ZNF518A: variants seen among roughly 807,000 people sequenced by gnomAD.
ZNF518A encodes zinc finger protein 518A.
Under a neutral mutation model 102.7 loss-of-function variants are expected in ZNF518A, and 47 were observed. The ratio of observed to expected loss-of-function variants is 0.46; its 90% confidence interval spans 0.36 to 0.58. The LOEUF is 0.58. Among genes scored for constraint, ZNF518A ranks in the 20% least tolerant of loss-of-function variants. The pLI, the probability that ZNF518A is intolerant of heterozygous loss-of-function variation, is 0.00. For synonymous variants in ZNF518A, 652 were observed against 594.6 expected (o/e 1.10, Z -1.40); for missense variants, 1,793 against 1,699.8 (o/e 1.05, Z -0.96).
At chr10:96,139,773 A>G (rs904723055) in intron 3 of ZNF518A, among the ~76,000 whole-genome samples, 1 of 152,228 alleles carries the variant, frequency 6.6e-6, no homozygotes, top group Admixed American at 6.5e-5. Context: ...GTTTTCATTC[A>G]TGTTAGAAAT....
intron 3 of ZNF518A, among the ~76,000 whole-genome samples, chr10:96,153,907 C>T (rs1051609820): frequency 5.9e-5 from 9 of 152,138 alleles, no homozygotes; most frequent in Admixed American, 3.3e-4. Flanking sequence ...TTCTCAAGGT[C>T]TAAGTGAGGC....
At chr10:96,194,768 A>ATTTATT (rs2083416466) in intron 1 of ZNF518A, among the ~76,000 whole-genome samples, 1 of 110,286 alleles carries the variant, frequency 9.1e-6, no homozygotes, top group Non-Finnish European at 1.8e-5. Context: ...AGAAATGCAA[A>ATTTATT]TTTTTTTTTT....
chr10:96,196,843 C>G, intron 1 of ZNF518A: 1 of 1,482,300 alleles, frequency 6.7e-7, no homozygotes, highest in East Asian at 2.3e-5. Flanking sequence ...GCATCTAATA[C>G]AGTATTTGAT....
rs1281912951 is a variant in ZNF518A at position 96,163,008 on chromosome 10, G to A, written c.*2234G>A. The stretch of plus-strand genomic sequence containing the variant: ...GCAATAAAATTAAAATGCTCTGTTT[G>A]TTACATATAGATCTGTTATGAGACA... On this transcript the variant is annotated 3_prime_UTR_variant, in exon 6 of 6. Transcript: ENST00000316045. 6.6e-6 allele frequency: 1 copy of A among 152,058 alleles called. No individual in the cohort carries two copies. The highest frequency in any genetic ancestry group is 1.6e-5 in the Non-Finnish European group (1 of 62,824). 9.4% of individuals were successfully genotyped at this position (152,058 alleles called of 1,614,324 possible). A position where few individuals can be genotyped will look rare whatever the true frequency, so the allele number is the denominator to read the frequency against.
intron 1 of ZNF518A, among the ~76,000 whole-genome samples, chr10:96,179,881 TTCA>T (rs1245651972): frequency 4.9e-5 from 6 of 123,242 alleles, no homozygotes; most frequent in East Asian, 7.9e-4. Context: ...CTTTCTTTCT[TTCA>T]TTTTTTTTTT....
At chr10:96,197,171 A>G in intron 1 of ZNF518A, 1 of 797,240 alleles carries the variant, frequency 1.3e-6, no homozygotes, top group Non-Finnish European at 1.9e-6. Context: ...CCAAAGGTAA[A>G]TTATTTAGCT....
At chr10:96,179,425 T>C (rs2083225391) in intron 1 of ZNF518A, among the ~76,000 whole-genome samples, 1 of 152,140 alleles carries the variant, frequency 6.6e-6, no homozygotes, top group Non-Finnish European at 1.5e-5. Context: ...CACAATAAGA[T>C]ACTACTACAC....
chr10:96,197,196 A>G, intron 1 of ZNF518A: 2 of 663,840 alleles, frequency 3.0e-6, no homozygotes, highest in Non-Finnish European at 4.9e-6. Flanking sequence ...TATTTTTATT[A>G]TTGATTAGCG....
intron 1 of ZNF518A, among the ~76,000 whole-genome samples, chr10:96,178,499 C>A (rs1554891705): frequency 6.6e-6 from 1 of 151,792 alleles, no homozygotes; most frequent in Admixed American, 6.6e-5. Flanking sequence ...TATTAGAAAA[C>A]AATAAAGGTT....
Position 96,159,718 on chromosome 10 carries a change from G to A in ZNF518A, c.3396G>A (p.Gln1132=). The A allele has an allele frequency of 6.2e-7, 1 of 1,613,080 alleles. No homozygotes were observed. Among genetic ancestry groups the A allele is most frequent in the Non-Finnish European group, 8.5e-7 (1 of 1,179,768 alleles). ...AAAATAGTACTTATCAAAATATACA[G>A]CCAAAGAAACCTGAAGGAACACCAC... is the stretch of plus-strand genomic sequence containing the variant. ...LVQNSTYQNI[Q]PKKPEGTPQR... The change falls in exon 6 of 6, where the codon CAG becomes CAA. Residue 1132 remains glutamine (Q), a synonymous_variant. Coordinates refer to ENST00000316045, the MANE Select transcript of ZNF518A (RefSeq NM_001330736.2).
intron 1 of ZNF518A, among the ~76,000 whole-genome samples, chr10:96,195,095 G>A (rs1728218731): frequency 6.6e-6 from 1 of 152,148 alleles, no homozygotes; most frequent in African/African-American, 2.4e-5. Context: ...AAACCACAAT[G>A]AGCTGTCTAT....
chr10:96,157,460 G>A lies in ZNF518A; in HGVS notation c.1138G>A (p.Glu380Lys). 1 of 1,613,660 alleles carries A rather than the reference G, an allele frequency of 6.2e-7. No homozygotes were observed. The highest frequency in any genetic ancestry group is 8.5e-7 in the Non-Finnish European group (1 of 1,179,736). ...AGAAAAGGATGAAAGACTACACTGT[G>A]AGAATAATGATAAAGCCCCTGAATC... ...SEEKDERLHC[E>K]NNDKAPESES... The change falls in exon 6 of 6, where the codon GAG (glutamate) becomes AAG (lysine). Residue 380 changes from glutamate (E) to lysine (K), a missense_variant. Transcript: ENST00000316045.
At chr10:96,152,753 A>T (rs1166780106) in intron 3 of ZNF518A, among the ~76,000 whole-genome samples, 1 of 152,232 alleles carries the variant, frequency 6.6e-6, no homozygotes, top group Non-Finnish European at 1.5e-5. Context: ...AGTGTATGCA[A>T]ATGTAACACA....
rs1554871082 is a variant in ZNF518A at position 96,130,437 on chromosome 10, AGGAGCTG to A, written c.-765_-759del. Among the ~76,000 whole-genome samples the A allele has an allele frequency of 6.6e-6, 1 of 152,090 alleles. No individual in the cohort carries two copies. The highest frequency in any genetic ancestry group is 1.5e-5 in the Non-Finnish European group (1 of 68,014). On this transcript the variant is annotated 5_prime_UTR_variant, in exon 1 of 6. Coordinates refer to ENST00000316045, the MANE Select transcript of ZNF518A (RefSeq NM_001330736.2). ...TGAACTCTACACTCTCCTACATTCT[AGGAGCTG>A]GGTGGGAGTAGGAGACGGTGTGCCT...
At chr10:96,167,262 A>G (rs1554890473), downstream of ZNF518A, among the ~76,000 whole-genome samples, 1 of 152,072 alleles carries the variant, frequency 6.6e-6, no homozygotes, top group Non-Finnish European at 1.5e-5. Flanking sequence ...GGAGTTTGAG[A>G]CCAGCCTGGC....
At chr10:96,142,305 G>GGTGTGTGTGTGTGTGTGT (rs60624825) in intron 3 of ZNF518A, among the ~76,000 whole-genome samples, 6 of 104,128 alleles carry the variant, frequency 5.8e-5, no homozygotes, top group Admixed American at 4.0e-4. Context: ...ATATTCTTAG[G>GGTGTGTGTGTGTGTGTGT]GTGTGTGTGT....
At chr10:96,204,347 GTC>G, downstream of ZNF518A, 1 of 735,170 alleles carries the variant, frequency 1.4e-6, no homozygotes, top group South Asian at 1.7e-5. Context: ...CAATTAGTAG[GTC>G]TCTGCAACTC....
intron 3 of ZNF518A, among the ~76,000 whole-genome samples, chr10:96,150,168 CAA>C (rs60041911): frequency 7.8e-4 from 104 of 132,630 alleles, no homozygotes; most frequent in East Asian, 1.5e-3. Context: ...ACTAAAAATA[CAA>C]AAAAAAAAAA....
intron 1 of ZNF518A, among the ~76,000 whole-genome samples, chr10:96,176,738 A>G (rs1019638263): frequency 2.0e-5 from 3 of 152,154 alleles, no homozygotes; most frequent in Non-Finnish European, 4.4e-5. Context: ...TCTACTAAAA[A>G]TACAAAAATT....
Sources: allele counts gnomAD v4.1 joint callset (sites outside exome capture counted in the v4.1 genomes callset), GRCh38; gene constraint gnomAD v4.1.1; transcripts MANE v1.5; gene names NCBI Gene and HGNC (gene_info 2026-07-23, HGNC 2026-07-21).